Variants in TANC2 observed in about 807,000 individuals in gnomAD.
The protein encoded by TANC2 is tetratricopeptide repeat, ankyrin repeat and coiled-coil containing 2, also known as protein TANC2.
TANC2 carries 26 observed loss-of-function variants against 210.5 expected under a neutral mutation model. The observed-to-expected ratio is 0.12, with a 90% confidence interval of 0.09 to 0.17. TANC2 has a LOEUF of 0.17. Ranked by LOEUF, TANC2 falls within the 10% of genes least tolerant of loss-of-function variation. The pLI, the probability that TANC2 is intolerant of heterozygous loss-of-function variation, is 1.00. For missense variants in TANC2, 2,129 were observed against 2,608.9 expected (o/e 0.82, Z 4.01); for synonymous variants, 931 against 967.1 (o/e 0.96, Z 0.69).
At chr17:63,323,430 G>A (rs758506294) in intron 11 of TANC2, among the ~76,000 whole-genome samples, 10 of 152,150 alleles carry the variant, frequency 6.6e-5, no homozygotes, top group South Asian at 4.1e-4. Context: ...TCTCTCGAGC[G>A]TGTCTCCACT....
rs1021670317 is a variant in TANC2, at chr17:63,326,743, C to CA, written c.1575+7655dup. 1.3e-5 allele frequency among the ~76,000 whole-genome samples: 2 copies of CA among 150,182 alleles called. 1 individual carries two copies. Among genetic ancestry groups the CA allele is most frequent in the African/African-American group, 4.9e-5 (2 of 40,768 alleles). On this transcript the variant is annotated intron_variant, in intron 11 of 27. Transcript: ENST00000689528. ...AGACTGTCAAAAACAACAACAACAA[C>CA]AACAAAAAAAAAACTTCTAATGTTG...
At chr17:63,117,267 T>C (rs1007941056) in intron 4 of TANC2, 2 of 152,198 alleles carry the variant, frequency 1.3e-5, no homozygotes, top group Admixed American at 6.5e-5. Context: ...TAAGAACCAG[T>C]TCTTCCAGTA....
intron 5 of TANC2, among the ~76,000 whole-genome samples, chr17:63,172,856 A>C (rs1283993704): frequency 6.6e-6 from 1 of 152,330 alleles, no homozygotes; most frequent in Admixed American, 6.5e-5. Context: ...ATGACTTCTT[A>C]ATCTGTGTTT....
chr17:62,998,438 C>G (rs2033218525), intron 1 of TANC2, among the ~76,000 whole-genome samples: 1 of 152,038 alleles, frequency 6.6e-6, no homozygotes, highest in Non-Finnish European at 1.5e-5. Context: ...ATGAATATCC[C>G]CAAGACACAT....
At chr17:63,024,956 C>G (rs144283377) in intron 2 of TANC2, among the ~76,000 whole-genome samples, 1,719 of 152,190 alleles carry the variant, frequency 0.011, 30 homozygotes, top group African/African-American at 0.039. Context: ...AACAAGTAGC[C>G]AAAAATTTGG....
intron 6 of TANC2, among the ~76,000 whole-genome samples, chr17:63,194,416 A>G (rs2145751608): frequency 6.6e-6 from 1 of 152,362 alleles, no homozygotes; most frequent in African/African-American, 2.4e-5. Context: ...AATTTGCAGA[A>G]TATACATTCT....
chr17:62,974,701 A>G (rs1253037534), intron 1 of TANC2, among the ~76,000 whole-genome samples: 1 of 152,228 alleles, frequency 6.6e-6, no homozygotes, highest in African/African-American at 2.4e-5. Context: ...GGAAAAATAT[A>G]GTTCAAAAAC....
At chr17:63,171,520 A>G (rs181686374) in intron 5 of TANC2, among the ~76,000 whole-genome samples, 1 of 152,338 alleles carries the variant, frequency 6.6e-6, no homozygotes, top group African/African-American at 2.4e-5. Flanking sequence ...TGCCAGAAAA[A>G]AAATTTTAAT....
chr17:63,198,082 T>C (rs180713786), intron 6 of TANC2, among the ~76,000 whole-genome samples: 5 of 152,364 alleles, frequency 3.3e-5, no homozygotes, highest in Admixed American at 6.5e-5. Context: ...CCACATTGTC[T>C]ATATTATGCA....
intron 7 of TANC2, among the ~76,000 whole-genome samples, chr17:63,211,638 C>G (rs1321873844): frequency 6.6e-6 from 1 of 152,106 alleles, no homozygotes; most frequent in Non-Finnish European, 1.5e-5. Context: ...ATACCTGTGC[C>G]TATCTGTATT....
chr17:62,980,333 G>A (rs993800252), intron 1 of TANC2, among the ~76,000 whole-genome samples: 3 of 152,142 alleles, frequency 2.0e-5, no homozygotes, highest in African/African-American at 7.2e-5. Context: ...GATCCATACA[G>A]ATGCTTTTCA....
At chr17:62,984,232 C>G (rs1419320759) in intron 1 of TANC2, among the ~76,000 whole-genome samples, 2 of 152,036 alleles carry the variant, frequency 1.3e-5, no homozygotes. Flanking sequence ...AGGAATTTAT[C>G]TATGTCCTCT....
chr17:63,197,309 A>T (rs1441060943), intron 6 of TANC2, among the ~76,000 whole-genome samples: 1 of 152,184 alleles, frequency 6.6e-6, no homozygotes, highest in Non-Finnish European at 1.5e-5. Flanking sequence ...TACAAATTTA[A>T]AATATTAATA....
intron 9 of TANC2, among the ~76,000 whole-genome samples, chr17:63,281,948 G>A (rs2044071637): frequency 6.6e-6 from 1 of 152,182 alleles, no homozygotes; most frequent in East Asian, 1.9e-4. Flanking sequence ...CTCAGAGGGA[G>A]CATGGCCCTA....
In TANC2 at chr17:63,253,605, T is replaced by C. The variant is rs1232010847; in HGVS notation, c.1034-14143T>C. ...AACTTAAGTTTTTAATCCATTTTTA[T>C]TTGATTTTTGGTTTTGGGTTTTTTT... On this transcript the variant is annotated intron_variant, in intron 8 of 27. Coordinates refer to ENST00000689528, the Ensembl canonical transcript of TANC2. Among the ~76,000 whole-genome samples the C allele has an allele frequency of 2.6e-5, 4 of 152,144 alleles. No individual in the cohort carries two copies. In the East Asian group the frequency reaches 7.7e-4, roughly 29 times the overall value.
intron 2 of TANC2, among the ~76,000 whole-genome samples, chr17:63,036,570 A>G (rs552148510): frequency 2.0e-5 from 3 of 152,226 alleles, no homozygotes; most frequent in African/African-American, 7.2e-5. Flanking sequence ...TTCTTTTTCA[A>G]AATTGTCGTA....
chr17:63,354,470 G>A (rs1173047646), intron 13 of TANC2, among the ~76,000 whole-genome samples: 2 of 152,102 alleles, frequency 1.3e-5, no homozygotes, highest in African/African-American at 4.8e-5. Flanking sequence ...AAAAATTACA[G>A]CAAAAGAGTT....
At chr17:63,026,229 T>C (rs1322831395) in intron 2 of TANC2, among the ~76,000 whole-genome samples, 1 of 152,244 alleles carries the variant, frequency 6.6e-6, no homozygotes, top group Non-Finnish European at 1.5e-5. Context: ...CTTGCTTTTC[T>C]GCTTTATTAT....
At chr17:63,376,159 T>G (rs1207327915) in intron 14 of TANC2, among the ~76,000 whole-genome samples, 1 of 151,450 alleles carries the variant, frequency 6.6e-6, no homozygotes, top group East Asian at 1.9e-4. Context: ...CAGGGCCGGG[T>G]GCGGTGGCTC....
Sources: allele counts gnomAD v4.1 joint callset (sites outside exome capture counted in the v4.1 genomes callset), GRCh38; gene constraint gnomAD v4.1.1; transcripts MANE v1.5; gene names NCBI Gene and HGNC (gene_info 2026-07-23, HGNC 2026-07-21).